Variants in FSTL1 observed in about 807,000 individuals in gnomAD.
FSTL1 encodes the protein follistatin-related protein 1.
In FSTL1, 24 loss-of-function variants were observed where a neutral mutation model predicts 45.9. The ratio of observed to expected loss-of-function variants is 0.52; its 90% CI spans 0.38 to 0.74. FSTL1 has a LOEUF of 0.74. Among genes scored for constraint, FSTL1 ranks in the 30% least tolerant of loss-of-function variants. The pLI is 0.00. For missense variants in FSTL1, 340 were observed against 381.8 expected (o/e 0.89, Z 0.91); for synonymous variants, 120 against 137.6 (o/e 0.87, Z 0.89).
At position 120,409,643 on chromosome 3, in the gene FSTL1, G is replaced by A. The variant is rs775814717; in HGVS notation, c.351C>T (p.Asn117=). The change falls in exon 6 of 11, where the codon AAC becomes AAT. Residue 117 remains asparagine, a synonymous_variant. Coordinates refer to ENST00000295633, the MANE Select transcript of FSTL1 (RefSeq NM_007085.5). The part of the protein sequence containing the change: ...SASPVVCYQS[N]RDELRRRIIQ... ...TGATGCGACGTCGGAGCTCATCACG[G>A]TTGGACTGATAGCAAACAACTGCAG... 2 of 1,614,096 alleles carry A rather than the reference G, an allele frequency of 1.2e-6. No homozygotes were observed. Among genetic ancestry groups the A allele is most frequent in the African/African-American group, 2.7e-5 (2 of 75,044 alleles).
chr3:120,412,222 G>A (rs1937071476), intron 3 of FSTL1, among the ~76,000 whole-genome samples: 1 of 152,184 alleles, frequency 6.6e-6, no homozygotes, highest in South Asian at 2.1e-4. Context: ...CTTCTATTCA[G>A]TGAAGAAAGA....
chr3:120,433,338 C>T (rs1937509028), intron 2 of FSTL1, among the ~76,000 whole-genome samples: 1 of 152,196 alleles, frequency 6.6e-6, no homozygotes, highest in Non-Finnish European at 1.5e-5. Context: ...AAACTGTTGA[C>T]GGGCAAGTGC....
intron 8 of FSTL1, 135 bp downstream of exon 8, chr3:120,403,107 G>C (rs1936860210): frequency 1.4e-6 from 1 of 709,684 alleles, no homozygotes; most frequent in Non-Finnish European, 2.5e-6. Flanking sequence ...GGGGAGAATG[G>C]GCTGGGGCCC....
intron 10 of FSTL1, among the ~76,000 whole-genome samples, chr3:120,399,190 C>T (rs146453559): frequency 6.6e-6 from 1 of 152,258 alleles, no homozygotes; most frequent in East Asian, 1.9e-4. Context: ...TGTATTAAGA[C>T]TACATAATAA....
intron 2 of FSTL1, among the ~76,000 whole-genome samples, chr3:120,428,043 C>T (rs137910297): frequency 7.9e-5 from 12 of 152,280 alleles, no homozygotes; most frequent in East Asian, 1.9e-4. Context: ...TGAGGAACCC[C>T]GCCCTTACAC....
At chr3:120,426,812 C>G (rs976920797) in intron 2 of FSTL1, among the ~76,000 whole-genome samples, 3 of 152,304 alleles carry the variant, frequency 2.0e-5, no homozygotes, top group African/African-American at 7.2e-5. Context: ...CGTTTTTCCT[C>G]TCTCCTGGGT....
At chr3:120,439,121 G>A (rs768402567) in intron 2 of FSTL1, among the ~76,000 whole-genome samples, 2 of 152,298 alleles carry the variant, frequency 1.3e-5, no homozygotes, top group Non-Finnish European at 2.9e-5. Context: ...GCGGAGAGGC[G>A]TGCAGGGAGG....
At chr3:120,445,310 A>G (rs1937714028) in intron 2 of FSTL1, among the ~76,000 whole-genome samples, 1 of 149,942 alleles carries the variant, frequency 6.7e-6, no homozygotes, top group Non-Finnish European at 1.5e-5. Context: ...TCATATAGAG[A>G]GGATTAATTT....
At chr3:120,421,637 CTTTT>C (rs1412628893) in intron 2 of FSTL1, 1 of 152,228 alleles carries the variant, frequency 6.6e-6, no homozygotes, top group Non-Finnish European at 1.5e-5. Flanking sequence ...TCAAGTCTCT[CTTTT>C]TTTCTGGAAA....
At chr3:120,399,352 A>T (rs893764307) in intron 10 of FSTL1, among the ~76,000 whole-genome samples, 5 of 152,166 alleles carry the variant, frequency 3.3e-5, no homozygotes, top group African/African-American at 1.2e-4. Context: ...TCTGGGAAGG[A>T]GACTCTTTGT....
chr3:120,432,678 T>C (rs1271605779), intron 2 of FSTL1, among the ~76,000 whole-genome samples: 1 of 152,224 alleles, frequency 6.6e-6, no homozygotes, highest in African/African-American at 2.4e-5. Context: ...TATCCTTCAT[T>C]TTAACTGTGT....
intron 2 of FSTL1, among the ~76,000 whole-genome samples, chr3:120,422,808 C>G (rs1324252545): frequency 7.9e-5 from 12 of 152,088 alleles, no homozygotes; most frequent in Admixed American, 3.3e-4. Flanking sequence ...GATTCTCCTG[C>G]CTCAGCCTTC....
intron 2 of FSTL1, among the ~76,000 whole-genome samples, chr3:120,427,792 G>A (rs1200460730): frequency 6.6e-6 from 1 of 152,198 alleles, no homozygotes; most frequent in Non-Finnish European, 1.5e-5. Context: ...ACTGAGACAT[G>A]CTGAGAGAAT....
chr3:120,448,408 A>G (rs1286797410), intron 2 of FSTL1, among the ~76,000 whole-genome samples: 1 of 152,224 alleles, frequency 6.6e-6, no homozygotes, highest in Non-Finnish European at 1.5e-5. Flanking sequence ...TACAATTCCC[A>G]TAGGGAGAGG....
intron 2 of FSTL1, among the ~76,000 whole-genome samples, chr3:120,439,707 CTG>C (rs1163541128): frequency 1.3e-5 from 2 of 152,214 alleles, no homozygotes; most frequent in Admixed American, 6.5e-5. Context: ...AGTGAACAGT[CTG>C]TACAACCCTA....
Position 120,395,631 on chromosome 3 carries a change from T to C in FSTL1, c.*1321A>G, listed in dbSNP as rs1936682077. On this transcript the variant is annotated 3_prime_UTR_variant, in exon 11 of 11. Coordinates refer to ENST00000295633, the MANE Select transcript of FSTL1 (RefSeq NM_007085.5). ...GAGATCAAATCTGGTCATCTTGTTT[T>C]TGGCCATCTGACATTTCTTGTTCTA... 3.8e-6 allele frequency: 2 copies of C among 531,410 alleles called. No homozygotes were observed. Among genetic ancestry groups the C allele is most frequent in the African/African-American group, 1.9e-5 (1 of 51,932 alleles). The allele number at this position is 531,410 out of a possible 1,614,324, so 32.9% of individuals were successfully genotyped here.
rs1183190267 is a variant in FSTL1, at chr3:120,444,840, G to T, written c.63+5844C>A. Among the ~76,000 whole-genome samples the T allele has an allele frequency of 3.3e-5, 5 of 149,556 alleles. 2 individuals carry two copies. The highest frequency in any genetic ancestry group is 1.3e-4 in the African/African-American group (5 of 38,980). ...TACAGTCGTGAGAATAAAGCTGGGG[G>T]GTGTGTGCTTTTTAAATTAAATTAT... On this transcript the variant is annotated intron_variant, in intron 2 of 10. Transcript: ENST00000295633.
At chr3:120,416,513 C>T (rs898260853) in intron 2 of FSTL1, among the ~76,000 whole-genome samples, 1 of 152,122 alleles carries the variant, frequency 6.6e-6, no homozygotes, top group Admixed American at 6.5e-5. Context: ...TCAAAGGATA[C>T]TTTCTGAAGA....
chr3:120,420,026 G>C (rs56239327), intron 2 of FSTL1, among the ~76,000 whole-genome samples: 5,098 of 152,276 alleles, frequency 0.033, 184 homozygotes, highest in African/African-American at 0.093. Context: ...GCTGACTCAG[G>C]AATAGAACAA....
Sources: allele counts gnomAD v4.1 joint callset (sites outside exome capture counted in the v4.1 genomes callset), GRCh38; gene constraint gnomAD v4.1.1; transcripts MANE v1.5; gene names NCBI Gene and HGNC (gene_info 2026-07-23, HGNC 2026-07-21).